The following RPS27L variants were observed in gnomAD, a reference collection of about 807,000 sequenced individuals.
RPS27L encodes the protein ribosomal protein S27 like.
A neutral mutation model predicts 12.8 loss-of-function variants in RPS27L; 10 were observed. That is an observed-to-expected ratio of 0.78 (90% CI 0.48 to 1.33). RPS27L has a LOEUF of 1.33. RPS27L is among the 40% of genes most tolerant of loss of function. The probability of loss-of-function intolerance (pLI) is 0.00; values close to 1 mark genes in which losing one functional copy is unlikely to be tolerated. For synonymous variants in RPS27L, 26 were observed against 32.3 expected, an observed-to-expected ratio of 0.81 and a Z score of 0.66; for missense variants, 81 against 97.4, an observed-to-expected ratio of 0.83 and a Z score of 0.71.
chr15:63,155,599 T>G, intron 3 of RPS27L, 22 bp downstream of exon 3: 2 of 1,453,848 alleles, frequency 1.4e-6, no homozygotes, highest in Non-Finnish European at 1.9e-6. Flanking sequence ...ATCACTGGGT[T>G]GGAGAATGCC....
chr15:63,149,894 G>A lies in RPS27L; in HGVS notation c.*4138C>T, dbSNP rs553189987. On this transcript the variant is annotated 3_prime_UTR_variant, in exon 4 of 4. Transcript: ENST00000330964. The stretch of plus-strand genomic sequence containing the variant: ...TCAAGACCAGCCTGGGCAACATGGC[G>A]AAACCCCATCTCTACAAAAAATACA... 3 of 152,310 alleles carry A rather than the reference G, an allele frequency of 2.0e-5. No homozygotes were observed. Among genetic ancestry groups the A allele is most frequent in the Admixed American group, 6.5e-5 (1 of 15,274 alleles). The allele number at this position is 152,310 out of a possible 1,614,324, so 9.4% of individuals were successfully genotyped here.
rs1327156342 is a variant in RPS27L at position 63,149,168 on chromosome 15, C to G, written c.*4864G>C. On this transcript the variant is annotated 3_prime_UTR_variant, in exon 4 of 4. Transcript: ENST00000330964. ...CGCGCCCGGCCCCTGATGTCATTTT[C>G]TATGCCTATAGTTGTGAAAAAGTAG... 2 of 152,060 alleles carry G rather than the reference C, an allele frequency of 1.3e-5. No individual in the cohort carries two copies. The highest frequency in any genetic ancestry group is 6.6e-5 in the Admixed American group (1 of 15,266). The allele number at this position is 152,060 out of a possible 1,614,324, so 9.4% of individuals were successfully genotyped here. A position where few individuals can be genotyped will look rare whatever the true frequency, so the allele number is the denominator to read the frequency against.
intron 3 of RPS27L, chr15:63,155,298 AT>A (rs201668869): frequency 2.1e-3 from 458 of 220,828 alleles, no homozygotes; most frequent in Middle Eastern, 4.3e-3. Context: ...AAAAAAAAAA[AT>A]AATAAATAAA....
Position 63,148,739 on chromosome 15 carries a change from A to G in RPS27L, c.*5293T>C, listed in dbSNP as rs6494394. 0.64 allele frequency: 97,682 copies of G among 152,056 alleles called. 32,051 individuals carry two copies. Among genetic ancestry groups the G allele is most frequent in the East Asian group, 0.99 (5,144 of 5,182 alleles). 9.4% of individuals were successfully genotyped at this position (152,056 alleles called of 1,614,324 possible). Reference sequence around the variant, plus strand: ...TGTAGGGGGAAAGCGAGCCAGAATCAGTAGGACACAAATCAGCAGAGAAAA... The same window carrying G: ...TGTAGGGGGAAAGCGAGCCAGAATCGGTAGGACACAAATCAGCAGAGAAAA... On this transcript the variant is annotated 3_prime_UTR_variant, in exon 4 of 4. Transcript: ENST00000330964.
chr15:63,153,875 T>C lies in RPS27L; in HGVS notation c.*157A>G. The C allele has an allele frequency of 3.2e-6, 2 of 627,662 alleles. No homozygotes were observed. Among genetic ancestry groups the C allele is most frequent in the Non-Finnish European group, 5.7e-6 (2 of 351,202 alleles). The allele number at this position is 627,662 out of a possible 1,614,324, so 38.9% of individuals were successfully genotyped here. On this transcript the variant is annotated 3_prime_UTR_variant, in exon 4 of 4. Transcript: ENST00000330964. ...GGATTTGCCCATAATCAAAACTTTA[T>C]TGAAAAACTGACACCAAAATAGGAG...
At chr15:63,156,566 G>C in intron 1 of RPS27L, 45 bp from the exon 2 acceptor site, 1 of 1,188,502 alleles carries the variant, frequency 8.4e-7, no homozygotes. Context: ...AAACCACAAC[G>C]CTGGCACATT....
At chr15:63,156,311 TC>T (rs1234185738) in intron 2 of RPS27L, 101 bp downstream of exon 2, 1 of 615,170 alleles carries the variant, frequency 1.6e-6, no homozygotes, top group Non-Finnish European at 2.8e-6. Context: ...TAATCCCACT[TC>T]TACTCAACAG....
Position 63,156,471 on chromosome 15 carries a change from A to C in RPS27L, c.57T>G (p.His19Gln). 1 of 1,607,516 alleles carries C rather than the reference A, an allele frequency of 6.2e-7. No individual in the cohort carries two copies. Among genetic ancestry groups the C allele is most frequent in the Admixed American group, 1.7e-5 (1 of 58,930 alleles). Residue 19 changes from histidine (H) to glutamine (Q), a missense_variant, in exon 2 of 4, where the codon CAT (histidine) becomes CAG (glutamine). By Grantham distance (24) the His-to-Gln change is conservative (BLOSUM62 0). Transcript: ENST00000330964. ...GACTTTGTACTAGGCGTTTCTTTTT[A>C]TGTTTTTTCTTTTCCTCTTCCAAGG... ...HPSLEEEKKK[H>Q]KKKRLVQSPN... is the part of the protein sequence containing the mutation.
rs1333527053 is a variant in RPS27L, at chr15:63,157,419, C to T, written c.-14G>A. ...ACTCACAGGCATGTTGATCCTCTTG[C>T]AAGCTCAGCCCTACCAGACCTCCCA... On this transcript the variant is annotated 5_prime_UTR_variant, in exon 1 of 4. Transcript: ENST00000330964. 1 of 1,614,120 alleles carries T rather than the reference C, an allele frequency of 6.2e-7. No individual in the cohort carries two copies. Among genetic ancestry groups the T allele is most frequent in the Admixed American group, 1.7e-5 (1 of 60,016 alleles).
chr15:63,156,925 C>G (rs1270019556), intron 1 of RPS27L: 1 of 383,046 alleles, frequency 2.6e-6, no homozygotes, highest in Non-Finnish European at 4.6e-6. Flanking sequence ...GATTTTTGCT[C>G]CTGTGGCTCA....
intron 3 of RPS27L, 157 bp downstream of exon 3, chr15:63,155,458 GTATAAA>G (rs1038874564): frequency 2.8e-5 from 14 of 491,236 alleles, no homozygotes; most frequent in African/African-American, 2.4e-4. Context: ...AAGGTCAAGA[GTATAAA>G]TATATCCATT....
chr15:63,148,272 T>C lies in RPS27L; in HGVS notation c.*5760A>G, dbSNP rs1485451845. The C allele has an allele frequency of 6.6e-6, 1 of 152,042 alleles. No homozygotes were observed. The highest frequency in any genetic ancestry group is 1.9e-4 in the East Asian group (1 of 5,204). 9.4% of individuals were successfully genotyped at this position (152,042 alleles called of 1,614,324 possible). A position where few individuals can be genotyped will look rare whatever the true frequency, so the allele number is the denominator to read the frequency against. ...AGTCATATTTAATGGCATGCAATTT[T>C]ATTGATGCAGTCTTCAGTTTAAAAG... On this transcript the variant is annotated 3_prime_UTR_variant, in exon 4 of 4. Coordinates refer to ENST00000330964, the MANE Select transcript of RPS27L (RefSeq NM_015920.4).
At chr15:63,155,297 A>T (rs957326998) in intron 3 of RPS27L, 9 of 218,468 alleles carry the variant, frequency 4.1e-5, no homozygotes, top group African/African-American at 1.1e-4. Context: ...AAAAAAAAAA[A>T]ATAATAAATA....
Position 63,157,469 on chromosome 15 carries a change from G to A in RPS27L, c.-64C>T, listed in dbSNP as rs1274784553. 2 of 1,598,074 alleles carry A rather than the reference G, an allele frequency of 1.3e-6. No individual in the cohort carries two copies. Among genetic ancestry groups the A allele is most frequent in the Admixed American group, 3.3e-5 (2 of 59,954 alleles). ...AGCCCACACAGCTAGCAAGCTGCAA[G>A]CGATCTGCGCTCGGCATCAACTTCC... On this transcript the variant is annotated 5_prime_UTR_variant, in exon 1 of 4. Coordinates refer to ENST00000330964, the MANE Select transcript of RPS27L (RefSeq NM_015920.4).
chr15:63,156,989 A>G, intron 1 of RPS27L: 1 of 356,310 alleles, frequency 2.8e-6, no homozygotes, highest in Admixed American at 4.6e-5. Flanking sequence ...CGGAATTAAT[A>G]TATAAGGCAA....
intron 3 of RPS27L, chr15:63,154,361 T>A (rs922505442): frequency 3.2e-6 from 1 of 308,782 alleles, no homozygotes; most frequent in East Asian, 6.1e-5. Flanking sequence ...TCAGAAGATA[T>A]ACTCTTAATT....
At position 63,149,319 on chromosome 15, in the gene RPS27L, CAT is replaced by C. The variant is rs762858314; in HGVS notation, c.*4711_*4712del. 5 of 151,996 alleles carry C rather than the reference CAT, an allele frequency of 3.3e-5. No individual in the cohort carries two copies. The highest frequency in any genetic ancestry group is 4.8e-5 in the African/African-American group (2 of 41,378). 9.4% of individuals were successfully genotyped at this position (151,996 alleles called of 1,614,324 possible). A position where few individuals can be genotyped will look rare whatever the true frequency, so the allele number is the denominator to read the frequency against. On this transcript the variant is annotated 3_prime_UTR_variant, in exon 4 of 4. Transcript: ENST00000330964. ...TTTTTTCCATGGAAAATTACGAAGA[CAT>C]GAGAGGCCGAGGCAGGCGGATCACG...
At position 63,151,169 on chromosome 15, in the gene RPS27L, C is replaced by A. The variant is rs562893863; in HGVS notation, c.*2863G>T. Reference sequence around the variant, plus strand: ...TCAGCACTTTTCAAAACCAGTAATACCATCTAGATTAATAATAAAGTAAAA... The same window carrying A: ...TCAGCACTTTTCAAAACCAGTAATAACATCTAGATTAATAATAAAGTAAAA... On this transcript the variant is annotated 3_prime_UTR_variant, in exon 4 of 4. Transcript: ENST00000330964. 5.9e-5 allele frequency: 9 copies of A among 152,156 alleles called. No homozygotes were observed. Among genetic ancestry groups the A allele is most frequent in the Non-Finnish European group, 1.0e-4 (7 of 68,038 alleles). The allele number at this position is 152,156 out of a possible 1,614,324, so 9.4% of individuals were successfully genotyped here. A position where few individuals can be genotyped will look rare whatever the true frequency, so the allele number is the denominator to read the frequency against.
Position 63,155,350 on chromosome 15 carries a change from C to A in RPS27L, c.226+271G>T, listed in dbSNP as rs1431991579. On this transcript the variant is annotated intron_variant, in intron 3 of 3. Coordinates refer to ENST00000330964, the MANE Select transcript of RPS27L (RefSeq NM_015920.4). ...GCATGTCCTATAACATGTAGTTATTCTTTTGCTTCTATTCTGACTTAATTT... is the reference window on the plus strand; with the variant it reads ...GCATGTCCTATAACATGTAGTTATTATTTTGCTTCTATTCTGACTTAATTT... 8.0e-5 allele frequency: 31 copies of A among 389,904 alleles called. No homozygotes were observed. The Admixed American group carries it at 1.3e-3, about 17-fold the overall frequency. 24.2% of individuals were successfully genotyped at this position (389,904 alleles called of 1,614,324 possible).
Sources: allele counts gnomAD v4.1 joint callset, GRCh38; gene constraint gnomAD v4.1.1; transcripts MANE v1.5; gene names NCBI Gene and HGNC (gene_info 2026-07-23, HGNC 2026-07-21).